MBD2: variants seen among roughly 807,000 people sequenced by gnomAD.
MBD2 encodes the protein methyl-CpG-binding domain protein 2.
In MBD2, 9 loss-of-function variants were observed where a neutral mutation model predicts 39.3. The observed-to-expected ratio is 0.23, with a 90% CI of 0.14 to 0.40. MBD2 has a LOEUF of 0.40. Ranked by LOEUF, MBD2 falls within the 10% of genes least tolerant of loss-of-function variation. The pLI is 1.00. For missense variants in MBD2, 458 were observed against 532.6 expected (o/e 0.86, Z 1.38); for synonymous variants, 233 against 211.1 (o/e 1.10, Z -0.90).
intron 1 of MBD2, among the ~76,000 whole-genome samples, chr18:54,216,079 T>C (rs984276359): frequency 6.6e-6 from 1 of 152,208 alleles, no homozygotes; most frequent in African/African-American, 2.4e-5. Flanking sequence ...AGTGCTGGGA[T>C]TACAGGCGTG....
At chr18:54,164,256 G>T (rs1393703424) in intron 5 of MBD2, among the ~76,000 whole-genome samples, 1 of 152,172 alleles carries the variant, frequency 6.6e-6, no homozygotes, top group Non-Finnish European at 1.5e-5. Flanking sequence ...GATGCTTAGG[G>T]AATATAACTG....
intron 1 of MBD2, chr18:54,222,419 C>CT: frequency 2.0e-6 from 1 of 497,880 alleles, no homozygotes; most frequent in Non-Finnish European, 3.9e-6. Flanking sequence ...CTCACAATAA[C>CT]TTTCTTACCA....
intron 3 of MBD2, among the ~76,000 whole-genome samples, chr18:54,169,708 G>A (rs2086165823): frequency 6.6e-6 from 1 of 152,156 alleles, no homozygotes; most frequent in Non-Finnish European, 1.5e-5. Context: ...CTGAAAATCT[G>A]ATTTCCCCTG....
At position 54,205,848 on chromosome 18, in the gene MBD2, C is replaced by CT. The variant is rs138870278; in HGVS notation, c.543-692dup. 2.5e-3 allele frequency among the ~76,000 whole-genome samples: 379 copies of CT among 150,922 alleles called. 3 individuals are homozygous for CT. Among genetic ancestry groups the CT allele is most frequent in the East Asian group, 9.0e-3 (46 of 5,136 alleles). ...TCCTTTCCAAATTGATTTTGAAATG[C>CT]TTTTTTTTTCCCTGCAAGTACTACA... On this transcript the variant is annotated intron_variant, in intron 1 of 6. Coordinates refer to ENST00000256429, the MANE Select transcript of MBD2 (RefSeq NM_003927.5).
rs1432478097 is a variant in MBD2 at position 54,153,845 on chromosome 18, T to G, written c.*1479A>C. The G allele has an allele frequency of 6.6e-6, 1 of 152,162 alleles. No individual in the cohort carries two copies. Among genetic ancestry groups the G allele is most frequent in the East Asian group, 1.9e-4 (1 of 5,196 alleles). The allele number at this position is 152,162 out of a possible 1,614,324, so 9.4% of individuals were successfully genotyped here. On this transcript the variant is annotated 3_prime_UTR_variant, in exon 7 of 7. Transcript: ENST00000256429. ...TGGCCCTAGGGTCCAGGGATCAAAG[T>G]TGAGCGTAAATCAGGAATTCCAAGA...
At position 54,224,185 on chromosome 18, in the gene MBD2, C is replaced by T. The variant is rs1380210498; in HGVS notation, c.375G>A (p.Glu125=). ...GSGGGGAPRR[E]PVPFPSGSAG... Reference sequence around the variant, plus strand: ...CGCTCCCCGACGGGAAAGGGACCGGCTCCCGCCGGGGGGCGCCGCCGCCAC... The same window carrying T: ...CGCTCCCCGACGGGAAAGGGACCGGTTCCCGCCGGGGGGCGCCGCCGCCAC... Residue 125 remains glutamate, a synonymous_variant, in exon 1 of 7, where the codon GAG becomes GAA. Coordinates refer to ENST00000256429, the MANE Select transcript of MBD2 (RefSeq NM_003927.5). The T allele has an allele frequency of 3.2e-6, 4 of 1,245,726 alleles. No individual in the cohort carries two copies. Among genetic ancestry groups the T allele is most frequent in the East Asian group, 3.2e-5 (1 of 31,506 alleles). The allele number at this position is 1,245,726 out of a possible 1,614,324, so 77.2% of individuals were successfully genotyped here. A position where few individuals can be genotyped will look rare whatever the true frequency, so the allele number is the denominator to read the frequency against.
At chr18:54,204,586 G>A (rs114988780) in intron 2 of MBD2, among the ~76,000 whole-genome samples, 2,672 of 152,080 alleles carry the variant, frequency 0.018, 81 homozygotes, top group African/African-American at 0.062. Flanking sequence ...CATCATCAAA[G>A]GTCAAAAAAA....
intron 6 of MBD2, 32 bp downstream of exon 6, chr18:54,159,733 G>A: frequency 6.3e-7 from 1 of 1,597,826 alleles, no homozygotes; most frequent in Non-Finnish European, 8.5e-7. Flanking sequence ...CACACCTTAA[G>A]TTCCAAGTCA....
rs550327577 is a variant in MBD2 at position 54,166,094 on chromosome 18, G to A, written c.913C>T (p.Leu305=). ...ATAATACCTTGAAGACCTTTGGGTA[G>A]TTCCATGGTTTTTATAATTTGTTCT... is the stretch of plus-strand genomic sequence containing the variant. ...VTEQIIKTME[L]PKGLQGVGPG... Residue 305 remains leucine, a synonymous_variant, in exon 4 of 7, where the codon CTA becomes TTA. Transcript: ENST00000256429. The A allele has an allele frequency of 1.3e-5, 21 of 1,612,700 alleles. No homozygotes were observed. The East Asian group carries it at 3.8e-4, about 29-fold the overall frequency.
At chr18:54,172,410 C>T (rs767409923) in intron 3 of MBD2, among the ~76,000 whole-genome samples, 2 of 152,050 alleles carry the variant, frequency 1.3e-5, no homozygotes, top group Admixed American at 6.6e-5. Context: ...GCGACACTAA[C>T]GATGGTATGG....
At chr18:54,156,915 G>A (rs1307047081) in intron 6 of MBD2, among the ~76,000 whole-genome samples, 1 of 151,934 alleles carries the variant, frequency 6.6e-6, no homozygotes, top group East Asian at 1.9e-4. Context: ...GGTGACCCTT[G>A]ATTATCTGAA....
intron 2 of MBD2, chr18:54,202,795 C>A: frequency 6.5e-7 from 1 of 1,544,152 alleles, no homozygotes; most frequent in South Asian, 1.3e-5. Context: ...CTACCGTGTG[C>A]AAAAGCAAAA....
In MBD2 at chr18:54,204,979, G is replaced by A. The variant is rs372560131; in HGVS notation, c.702+19C>T. Reference sequence around the variant, plus strand: ...AGCTTTCGAAGTAGCATATACATGCGATAAGTAAATTAACCAACCTTATTT... The same window carrying A: ...AGCTTTCGAAGTAGCATATACATGCAATAAGTAAATTAACCAACCTTATTT... On this transcript the variant is annotated intron_variant, in intron 2 of 6. Coordinates refer to ENST00000256429, the MANE Select transcript of MBD2 (RefSeq NM_003927.5). The A allele has an allele frequency of 5.0e-5, 81 of 1,607,890 alleles. 1 individual carries two copies. Among genetic ancestry groups the A allele is most frequent in the Non-Finnish European group, 6.4e-5 (75 of 1,176,992 alleles).
chr18:54,219,704 A>T (rs1221856751), intron 1 of MBD2, among the ~76,000 whole-genome samples: 1 of 152,182 alleles, frequency 6.6e-6, no homozygotes, highest in Admixed American at 6.5e-5. Flanking sequence ...TTAAAGGCAA[A>T]CCAAGGTGAG....
intron 4 of MBD2, among the ~76,000 whole-genome samples, chr18:54,165,355 A>G (rs985109143): frequency 1.3e-5 from 2 of 152,226 alleles, no homozygotes; most frequent in Non-Finnish European, 2.9e-5. Flanking sequence ...TTTAAATGCA[A>G]TGCTTAAAGT....
chr18:54,166,491 C>T (rs2086133751), intron 3 of MBD2, among the ~76,000 whole-genome samples: 1 of 152,090 alleles, frequency 6.6e-6, no homozygotes, highest in African/African-American at 2.4e-5. Flanking sequence ...AAAGATTCAC[C>T]TGGCATGAAA....
intron 3 of MBD2, among the ~76,000 whole-genome samples, chr18:54,176,017 A>G (rs374713613): frequency 4.8e-4 from 73 of 152,354 alleles, no homozygotes; most frequent in Middle Eastern, 6.8e-3. Flanking sequence ...AAAGTATATG[A>G]GGACAACAGT....
At position 54,224,585 on chromosome 18, in the gene MBD2, C is replaced by T; in HGVS notation, c.-26G>A. The T allele has an allele frequency of 8.2e-7, 1 of 1,221,452 alleles. No homozygotes were observed. Among genetic ancestry groups the T allele is most frequent in the Non-Finnish European group, 1.0e-6 (1 of 979,466 alleles). The allele number at this position is 1,221,452 out of a possible 1,614,324, so 75.7% of individuals were successfully genotyped here. A position where few individuals can be genotyped will look rare whatever the true frequency, so the allele number is the denominator to read the frequency against. ...CCAGCCCCCTCCCCAGCCGGCGCTG[C>T]GCTTCTTCCGTAACCGAGCCCTTGG... On this transcript the variant is annotated 5_prime_UTR_variant, in exon 1 of 7. Transcript: ENST00000256429.
chr18:54,213,530 C>T (rs563917995), intron 1 of MBD2, among the ~76,000 whole-genome samples: 4 of 152,054 alleles, frequency 2.6e-5, no homozygotes, highest in South Asian at 2.1e-4. Flanking sequence ...CACTAAAATG[C>T]GAAAAAATGA....
Sources: allele counts gnomAD v4.1 joint callset (sites outside exome capture counted in the v4.1 genomes callset), GRCh38; gene constraint gnomAD v4.1.1; transcripts MANE v1.5; gene names NCBI Gene and HGNC (gene_info 2026-07-23, HGNC 2026-07-21).